INTS7: variants seen among roughly 807,000 people sequenced by gnomAD.
INTS7 encodes integrator complex subunit 7.
Under a neutral mutation model 109.2 loss-of-function variants are expected in INTS7, and 46 were observed. The observed-to-expected ratio is 0.42, with a 90% CI of 0.33 to 0.54. INTS7 has a LOEUF of 0.54. Among genes scored for constraint, INTS7 ranks in the 20% least tolerant of loss-of-function variants. INTS7 has a pLI of 0.07. For missense variants in INTS7, 929 were observed against 1,132.4 expected (o/e 0.82, Z 2.58); for synonymous variants, 412 against 402.9 (o/e 1.02, Z -0.27).
chr1:211,973,332 A>G (rs1664263183), intron 13 of INTS7, among the ~76,000 whole-genome samples: 1 of 152,262 alleles, frequency 6.6e-6, no homozygotes, highest in Non-Finnish European at 1.5e-5. Context: ...AATTTGTTAC[A>G]CAGCACAGAA....
Position 211,941,786 on chromosome 1 carries a change from T to A in INTS7, c.*38A>T. 1 of 1,587,218 alleles carries A rather than the reference T, an allele frequency of 6.3e-7. No individual in the cohort carries two copies. Among genetic ancestry groups the A allele is most frequent in the South Asian group, 1.2e-5 (1 of 86,558 alleles). ...AACCAAACTGTTTCTGGCAATTTGA[T>A]TGATCTCTTGAGAGTCTGCAGTGCA... On this transcript the variant is annotated 3_prime_UTR_variant, in exon 20 of 20. Transcript: ENST00000366994.
intron 4 of INTS7, among the ~76,000 whole-genome samples, chr1:212,015,088 G>C (rs1400486590): frequency 7.1e-6 from 1 of 141,288 alleles, no homozygotes; most frequent in African/African-American, 3.1e-5. Context: ...CCGGGAGGTG[G>C]GGGGCGGCCC....
chr1:212,011,663 A>C, intron 4 of INTS7: 1 of 412,318 alleles, frequency 2.4e-6, no homozygotes, highest in Non-Finnish European at 4.4e-6. Context: ...CCATTACCAC[A>C]ATACAGTGTT....
chr1:212,010,569 T>C (rs1444966918), intron 5 of INTS7, among the ~76,000 whole-genome samples: 6 of 152,140 alleles, frequency 3.9e-5, no homozygotes, highest in Non-Finnish European at 7.4e-5. Context: ...TATGCTTTGG[T>C]GAATGATGGA....
At chr1:211,993,553 G>A (rs1468772390) in intron 7 of INTS7, among the ~76,000 whole-genome samples, 3 of 151,784 alleles carry the variant, frequency 2.0e-5, no homozygotes, top group Non-Finnish European at 2.9e-5. Context: ...GGTGGCAGGC[G>A]CCTGTAATCC....
rs572936388 is a variant in INTS7 at position 211,941,472 on chromosome 1, C to T, written c.*352G>A. ...TCCCAGGTTCACACCATTCTCCTGC[C>T]TCAGCCTCCCAAGTAGCTGGGACTA... On this transcript the variant is annotated 3_prime_UTR_variant, in exon 20 of 20. Transcript: ENST00000366994. 9.5e-6 allele frequency: 2 copies of T among 211,058 alleles called. No individual in the cohort carries two copies. Among genetic ancestry groups the T allele is most frequent in the South Asian group, 1.7e-4 (2 of 12,012 alleles). The allele number at this position is 211,058 out of a possible 1,614,324, so 13.1% of individuals were successfully genotyped here.
chr1:211,952,677 T>C lies in INTS7; in HGVS notation c.2208A>G (p.Gly736=), dbSNP rs1245877256. 1.2e-6 allele frequency: 2 copies of C among 1,612,546 alleles called. No individual in the cohort carries two copies. Among genetic ancestry groups the C allele is most frequent in the Non-Finnish European group, 1.7e-6 (2 of 1,179,202 alleles). The change falls in exon 17 of 20, where the codon GGA becomes GGG. Residue 736 remains glycine (G), a synonymous_variant. Coordinates refer to ENST00000366994, the MANE Select transcript of INTS7 (RefSeq NM_015434.4). ...SASFQEYGST[G]TAHADSEYER... The stretch of plus-strand genomic sequence containing the variant: ...CATATTCACTATCAGCATGGGCTGT[T>C]CCAGTAGATCCATATTCCTGGAAAC...
chr1:211,994,519 G>A (rs373870505), intron 7 of INTS7, among the ~76,000 whole-genome samples: 1 of 150,826 alleles, frequency 6.6e-6, no homozygotes, highest in Non-Finnish European at 1.5e-5. Context: ...TGCGTCCCTG[G>A]TTCCAGCAAT....
chr1:212,033,922 A>C (rs148315609), intron 1 of INTS7, among the ~76,000 whole-genome samples: 1,638 of 152,188 alleles, frequency 0.011, 30 homozygotes, highest in African/African-American at 0.037. Context: ...GTCTATACTA[A>C]AAATACAAAA....
intron 1 of INTS7, among the ~76,000 whole-genome samples, chr1:212,032,408 T>C (rs1259900876): frequency 6.6e-6 from 1 of 152,176 alleles, no homozygotes; most frequent in Non-Finnish European, 1.5e-5. Flanking sequence ...CATGGTTTCC[T>C]TTCTCACTCA....
chr1:212,022,299 A>G (rs528516334), intron 1 of INTS7, among the ~76,000 whole-genome samples: 2 of 152,384 alleles, frequency 1.3e-5, no homozygotes, highest in South Asian at 4.1e-4. Context: ...ATAAAATAAA[A>G]AAGTGCTAAG....
At chr1:212,012,729 T>A (rs1288979111) in intron 4 of INTS7, among the ~76,000 whole-genome samples, 1 of 152,252 alleles carries the variant, frequency 6.6e-6, no homozygotes, top group East Asian at 1.9e-4. Context: ...GTGAAGAATC[T>A]TGCTGTTTCT....
chr1:211,991,630 A>G (rs1665152177), intron 7 of INTS7, among the ~76,000 whole-genome samples: 1 of 152,214 alleles, frequency 6.6e-6, no homozygotes, highest in African/African-American at 2.4e-5. Context: ...TGTCTGTAAG[A>G]TTACAAAGCC....
intron 7 of INTS7, among the ~76,000 whole-genome samples, chr1:211,989,685 G>T (rs1171878535): frequency 6.6e-6 from 1 of 151,956 alleles, no homozygotes; most frequent in Non-Finnish European, 1.5e-5. Context: ...AGCCGGGTGT[G>T]GTGGTGCACA....
intron 13 of INTS7, among the ~76,000 whole-genome samples, chr1:211,969,812 G>T (rs534969588): frequency 1.3e-5 from 2 of 151,318 alleles, no homozygotes; most frequent in Admixed American, 1.3e-4. Context: ...TCCGTCTTCC[G>T]GGTTCAAGCA....
chr1:212,023,270 G>A (rs1666786731), intron 1 of INTS7, among the ~76,000 whole-genome samples: 2 of 152,182 alleles, frequency 1.3e-5, no homozygotes, highest in Non-Finnish European at 2.9e-5. Flanking sequence ...TATATATCCA[G>A]TAATGGGATT....
intron 1 of INTS7, among the ~76,000 whole-genome samples, chr1:212,023,972 C>T (rs1022680166): frequency 6.6e-6 from 1 of 152,172 alleles, no homozygotes; most frequent in African/African-American, 2.4e-5. Flanking sequence ...CATAGGGAGT[C>T]CTTTTCCCAT....
chr1:212,004,069 G>A (rs1249795713), intron 7 of INTS7, among the ~76,000 whole-genome samples: 1 of 152,202 alleles, frequency 6.6e-6, no homozygotes, highest in Non-Finnish European at 1.5e-5. Flanking sequence ...ATTAGTCCAG[G>A]CACGGTGGCT....
At position 211,982,792 on chromosome 1, in the gene INTS7, G is replaced by A. The variant is rs775173317; in HGVS notation, c.1016C>T (p.Pro339Leu). Residue 339 changes from proline (P) to leucine (L), a missense_variant, in exon 9 of 20, where the codon CCC (proline) becomes CTC (leucine). This residue lies in a region of INTS7 where 787 missense variants were observed against 901.1 expected (regional missense o/e 0.87). Transcript: ENST00000366994. ...SIVPGNVSSS[P>L]RSSDLVKLAQ... ...TAATTTGACTAAATCAGAAGATCTG[G>A]GAGAAGAACTCACATTTCCTAAAAA... 22 of 1,606,412 alleles carry A rather than the reference G, an allele frequency of 1.4e-5. No homozygotes were observed. Among genetic ancestry groups the A allele is most frequent in the Middle Eastern group, 3.3e-4 (2 of 6,050 alleles).
Sources: allele counts gnomAD v4.1 joint callset (sites outside exome capture counted in the v4.1 genomes callset), GRCh38; gene constraint gnomAD v4.1.1; regional missense constraint gnomAD v4.1.1; transcripts MANE v1.5; gene names NCBI Gene and HGNC (gene_info 2026-07-23, HGNC 2026-07-21).